IQCM: variants seen among roughly 807,000 people sequenced by gnomAD.
IQCM encodes the protein IQ motif containing M.
In IQCM, 45 loss-of-function variants were observed where a neutral mutation model predicts 57.6. That is an observed-to-expected ratio of 0.78 (90% CI 0.62 to 1.00). The LOEUF is 1.00. Among genes scored for constraint, IQCM ranks in the 50% least tolerant of loss-of-function variants. The pLI is 0.00. For missense variants in IQCM, 468 were observed against 511.6 expected (o/e 0.91, Z 0.82); for synonymous variants, 148 against 158.9 (o/e 0.93, Z 0.51).
At chr4:149,671,128 G>T (rs562952741) in intron 7 of IQCM, among the ~76,000 whole-genome samples, 19 of 152,066 alleles carry the variant, frequency 1.2e-4, no homozygotes, top group African/African-American at 4.6e-4. Flanking sequence ...GACTCTTTTT[G>T]GTTGGTAGGC....
intron 9 of IQCM, among the ~76,000 whole-genome samples, chr4:149,581,276 T>C (rs573949495): frequency 1.2e-3 from 188 of 150,642 alleles, no homozygotes; most frequent in Non-Finnish European, 2.4e-3. Context: ...TATATATATA[T>C]ACATACATAT....
At chr4:149,779,268 A>T (rs919220067) in intron 2 of IQCM, among the ~76,000 whole-genome samples, 2 of 152,186 alleles carry the variant, frequency 1.3e-5, no homozygotes, top group African/African-American at 4.8e-5. Flanking sequence ...AGACAAGATT[A>T]TTCTAAAATT....
intron 12 of IQCM, among the ~76,000 whole-genome samples, chr4:149,548,142 A>G (rs1197112039): frequency 6.6e-6 from 1 of 152,162 alleles, no homozygotes; most frequent in African/African-American, 2.4e-5. Context: ...TTTAAAATAT[A>G]CTCAGCTTGA....
chr4:149,452,414 G>A (rs959967902), intron 12 of IQCM, among the ~76,000 whole-genome samples: 6 of 150,646 alleles, frequency 4.0e-5, no homozygotes, highest in East Asian at 2.0e-4. Context: ...AATGAAGAAC[G>A]TATACTATCA....
At chr4:149,812,989 C>A (rs1185980588) in intron 2 of IQCM, among the ~76,000 whole-genome samples, 1 of 152,110 alleles carries the variant, frequency 6.6e-6, no homozygotes, top group Non-Finnish European at 1.5e-5. Flanking sequence ...CATCTTTTTG[C>A]AGAAATGTCA....
chr4:149,604,299 G>A (rs943685588), intron 8 of IQCM, among the ~76,000 whole-genome samples: 5 of 151,804 alleles, frequency 3.3e-5, no homozygotes, highest in Admixed American at 1.3e-4. Flanking sequence ...TCAAATAAAG[G>A]ATTATATATC....
chr4:149,409,728 A>T (rs1224255930), intron 13 of IQCM, among the ~76,000 whole-genome samples: 3 of 152,160 alleles, frequency 2.0e-5, no homozygotes, highest in African/African-American at 7.2e-5. Context: ...TCCACCATTT[A>T]TGAAGACCCT....
At chr4:149,414,131 C>T (rs1413366619) in intron 13 of IQCM, among the ~76,000 whole-genome samples, 1 of 152,072 alleles carries the variant, frequency 6.6e-6, no homozygotes, top group Non-Finnish European at 1.5e-5. Context: ...ATATTTTAAA[C>T]CCGTCTTATT....
At chr4:149,692,921 T>C (rs145936276) in intron 5 of IQCM, among the ~76,000 whole-genome samples, 1 of 152,164 alleles carries the variant, frequency 6.6e-6, no homozygotes, top group Admixed American at 6.5e-5. Context: ...AGAGGTAAAG[T>C]GATGAATTCT....
chr4:149,768,185 C>T (rs758322651), intron 2 of IQCM, among the ~76,000 whole-genome samples: 3 of 151,994 alleles, frequency 2.0e-5, no homozygotes, highest in African/African-American at 7.2e-5. Context: ...AAACATGAAG[C>T]GATGGTTAGA....
chr4:149,372,760 A>G (rs1479510049), intron 13 of IQCM, among the ~76,000 whole-genome samples: 1 of 152,030 alleles, frequency 6.6e-6, no homozygotes, highest in African/African-American at 2.4e-5. Flanking sequence ...TCTCAATTGC[A>G]CCTCTTTTCC....
At chr4:149,610,890 G>C (rs1474413814) in intron 8 of IQCM, among the ~76,000 whole-genome samples, 1 of 152,090 alleles carries the variant, frequency 6.6e-6, no homozygotes, top group Non-Finnish European at 1.5e-5. Flanking sequence ...AAGTTAAAAA[G>C]CTGCTTCACA....
At chr4:149,785,356 A>G (rs935986118) in intron 2 of IQCM, among the ~76,000 whole-genome samples, 4 of 152,180 alleles carry the variant, frequency 2.6e-5, no homozygotes, top group Admixed American at 1.3e-4. Flanking sequence ...TGAAAAGTAA[A>G]ATCCTATGCT....
intron 13 of IQCM, among the ~76,000 whole-genome samples, chr4:149,366,450 T>A (rs1175407810): frequency 6.6e-6 from 1 of 151,946 alleles, no homozygotes; most frequent in Non-Finnish European, 1.5e-5. Context: ...AATGCTTTCA[T>A]CCTGCTTGCT....
intron 7 of IQCM, among the ~76,000 whole-genome samples, chr4:149,633,827 C>T (rs897101684): frequency 9.2e-5 from 14 of 152,118 alleles, no homozygotes; most frequent in African/African-American, 3.1e-4. Flanking sequence ...TCTCCACCTT[C>T]CAAAAGTATG....
intron 3 of IQCM, among the ~76,000 whole-genome samples, chr4:149,735,679 C>G (rs1199886522): frequency 6.6e-6 from 1 of 152,050 alleles, no homozygotes; most frequent in Non-Finnish European, 1.5e-5. Context: ...CAGAAACATC[C>G]TTCAGTTCTG....
intron 9 of IQCM, among the ~76,000 whole-genome samples, chr4:149,585,814 T>C (rs142484700): frequency 1.9e-3 from 288 of 151,828 alleles, no homozygotes; most frequent in Non-Finnish European, 2.5e-3. Context: ...TTTCAGGACC[T>C]TGAAGAAGTC....
At chr4:149,729,795 T>C (rs999917796) in intron 5 of IQCM, among the ~76,000 whole-genome samples, 2 of 152,294 alleles carry the variant, frequency 1.3e-5, no homozygotes, top group Non-Finnish European at 2.9e-5. Context: ...GTATCTGAGA[T>C]AACGGGCTGT....
At chr4:149,800,582 A>C (rs1232130524) in intron 2 of IQCM, among the ~76,000 whole-genome samples, 1 of 152,012 alleles carries the variant, frequency 6.6e-6, no homozygotes, top group African/African-American at 2.4e-5. Flanking sequence ...ATATAACCTT[A>C]TATTTGGAAA....
Sources: gnomAD v4.1 joint callset for allele counts (sites outside exome capture counted in the v4.1 genomes callset) on GRCh38, gnomAD v4.1.1 for gene constraint, MANE v1.5 for transcripts, NCBI Gene and HGNC (gene_info 2026-07-23, HGNC 2026-07-21) for gene names.